Variants in SMAD2 observed in about 807,000 individuals in gnomAD.
The protein encoded by SMAD2 is MAD homolog 2.
In SMAD2, 8 loss-of-function variants were observed where a neutral mutation model predicts 64.4. The ratio of observed to expected loss-of-function variants is 0.12; its 90% CI spans 0.07 to 0.22. The LOEUF (loss-of-function observed/expected upper bound fraction) is 0.22, where lower values mean the gene tolerates loss of function less well. Ranked by LOEUF, SMAD2 falls within the 10% of genes least tolerant of loss-of-function variation. The pLI, the probability that SMAD2 is intolerant of heterozygous loss-of-function variation, is 1.00. For synonymous variants in SMAD2, 203 were observed against 195.8 expected (o/e 1.04, Z -0.31); for missense variants, 289 against 561.2 (o/e 0.51, Z 4.90).
At chr18:47,904,805 C>G (rs2033838743) in intron 1 of SMAD2, among the ~76,000 whole-genome samples, 1 of 152,184 alleles carries the variant, frequency 6.6e-6, no homozygotes, top group African/African-American at 2.4e-5. Flanking sequence ...AAAAAGGTAT[C>G]TGAAAATGTT....
chr18:47,820,519 TGAAG>T lies in SMAD2; in HGVS notation c.*21304_*21307del, dbSNP rs1374539137. 20 of 152,054 alleles carry T rather than the reference TGAAG, an allele frequency of 1.3e-4. No homozygotes were observed. The highest frequency in any genetic ancestry group is 2.9e-5 in the Non-Finnish European group (2 of 68,008). The allele number at this position is 152,054 out of a possible 1,614,324, so 9.4% of individuals were successfully genotyped here. The stretch of plus-strand genomic sequence containing the variant: ...ACTAAGTAGGAGGAGGAGAGAAATA[TGAAG>T]GAAGTTAATGGGTGTGAGAATGTAC... On this transcript the variant is annotated 3_prime_UTR_variant, in exon 11 of 11. Transcript: ENST00000262160.
At chr18:47,900,455 C>A (rs373694563) in intron 1 of SMAD2, among the ~76,000 whole-genome samples, 2 of 152,124 alleles carry the variant, frequency 1.3e-5, no homozygotes, top group African/African-American at 4.8e-5. Context: ...AGTGATGTGA[C>A]ATTTTTCAAT....
intron 7 of SMAD2, among the ~76,000 whole-genome samples, chr18:47,849,802 G>A (rs1914919066): frequency 6.6e-6 from 1 of 151,998 alleles, no homozygotes; most frequent in South Asian, 2.1e-4. Flanking sequence ...GAGGCCAGGA[G>A]TTTGAGACCA....
chr18:47,881,270 T>C (rs917528453), intron 2 of SMAD2, among the ~76,000 whole-genome samples: 1 of 152,238 alleles, frequency 6.6e-6, no homozygotes, highest in African/African-American at 2.4e-5. Context: ...TTCATTTGTT[T>C]AACTTCTCTC....
chr18:47,898,894 T>TC, intron 1 of SMAD2, among the ~76,000 whole-genome samples: 1 of 151,846 alleles, frequency 6.6e-6, no homozygotes, highest in Non-Finnish European at 1.5e-5. Context: ...ACAATTTTTT[T>TC]TTTTTGCCTG....
intron 6 of SMAD2, among the ~76,000 whole-genome samples, chr18:47,863,479 G>A (rs182931771): frequency 6.6e-6 from 1 of 152,184 alleles, no homozygotes; most frequent in Non-Finnish European, 1.5e-5. Context: ...ACGAATACTT[G>A]TATTATTGCT....
intron 6 of SMAD2, among the ~76,000 whole-genome samples, chr18:47,861,971 A>G (rs1417087606): frequency 6.6e-6 from 1 of 152,206 alleles, no homozygotes; most frequent in Non-Finnish European, 1.5e-5. Flanking sequence ...AGCATATGTA[A>G]GAGGAACATT....
intron 1 of SMAD2, among the ~76,000 whole-genome samples, chr18:47,910,231 T>G (rs112541402): frequency 0.017 from 2,541 of 149,234 alleles, 66 homozygotes; most frequent in African/African-American, 0.058. Flanking sequence ...TTTAGAGAAA[T>G]TCAAGGGCTA....
intron 2 of SMAD2, chr18:47,878,437 T>C (rs2032391832): frequency 1.3e-5 from 2 of 152,158 alleles, no homozygotes; most frequent in African/African-American, 4.8e-5. Flanking sequence ...GCAAACAGCC[T>C]GTGCAACAAA....
chr18:47,870,025 G>A (rs985889331), intron 3 of SMAD2, among the ~76,000 whole-genome samples: 1 of 151,844 alleles, frequency 6.6e-6, no homozygotes, highest in Non-Finnish European at 1.5e-5. Context: ...AGAAAATGAA[G>A]TGATTAAAAA....
At position 47,865,132 on chromosome 18, in the gene SMAD2, T is replaced by A; in HGVS notation, c.657A>T (p.Glu219Asp). Residue 219 changes from glutamate (E) to aspartate (D), a missense_variant and splice_region_variant, in exon 6 of 11, where the codon GAA becomes GAT. Around this residue, in one of 6 missense-constraint regions of SMAD2, gnomAD observed 119 missense variants for 156.7 expected, o/e 0.76. Coordinates refer to ENST00000262160, the MANE Select transcript of SMAD2 (RefSeq NM_005901.6). Reference protein sequence around the residue: ...GIEPQSNYIPETPPPGYISED... With the variant: ...GIEPQSNYIPDTPPPGYISED... Reference sequence around the variant, plus strand: ...CACTGATATATCCAGGAGGTGGCGTTTCTACAAAAGTTTAAAACAAATCAA... The same window carrying A: ...CACTGATATATCCAGGAGGTGGCGTATCTACAAAAGTTTAAAACAAATCAA... 6.2e-7 allele frequency: 1 copy of A among 1,601,424 alleles called. No homozygotes were observed. Among genetic ancestry groups the A allele is most frequent in the Non-Finnish European group, 8.6e-7 (1 of 1,168,826 alleles).
chr18:47,890,373 C>A (rs2033132891), intron 2 of SMAD2, among the ~76,000 whole-genome samples: 1 of 152,214 alleles, frequency 6.6e-6, no homozygotes, highest in Admixed American at 6.5e-5. Flanking sequence ...AATTATACAT[C>A]ATGCAATGTT....
chr18:47,854,773 G>A (rs2030514214), intron 6 of SMAD2, among the ~76,000 whole-genome samples: 1 of 151,902 alleles, frequency 6.6e-6, no homozygotes, highest in Non-Finnish European at 1.5e-5. Context: ...GCTCCCATAT[G>A]ACCCCTGCCC....
At chr18:47,857,678 A>G (rs1183637159) in intron 6 of SMAD2, among the ~76,000 whole-genome samples, 1 of 152,242 alleles carries the variant, frequency 6.6e-6, no homozygotes, top group African/African-American at 2.4e-5. Flanking sequence ...TTCACTACTG[A>G]CAGCATCTGC....
At chr18:47,925,623 C>T (rs1439139623) in intron 1 of SMAD2, among the ~76,000 whole-genome samples, 1 of 152,112 alleles carries the variant, frequency 6.6e-6, no homozygotes, top group Non-Finnish European at 1.5e-5. Flanking sequence ...CACAATTACA[C>T]CAACCTGAAA....
intron 6 of SMAD2, among the ~76,000 whole-genome samples, chr18:47,854,756 A>G (rs1006596060): frequency 6.6e-6 from 1 of 152,140 alleles, no homozygotes; most frequent in African/African-American, 2.4e-5. Flanking sequence ...AACAGAAAGT[A>G]CAAAAAGCTC....
At position 47,823,672 on chromosome 18, in the gene SMAD2, A is replaced by G. The variant is rs1912649441; in HGVS notation, c.*18155T>C. On this transcript the variant is annotated 3_prime_UTR_variant, in exon 11 of 11. Transcript: ENST00000262160. ...TGCAAACCAGGACAAAAAGTTGATGATTTCAGGCTGTAGACATTTTTCCTA... is the reference window on the plus strand; with the variant it reads ...TGCAAACCAGGACAAAAAGTTGATGGTTTCAGGCTGTAGACATTTTTCCTA... The G allele has an allele frequency of 6.6e-6, 1 of 152,224 alleles. No individual in the cohort carries two copies. The highest frequency in any genetic ancestry group is 6.5e-5 in the Admixed American group (1 of 15,286). The allele number at this position is 152,224 out of a possible 1,614,324, so 9.4% of individuals were successfully genotyped here. A position where few individuals can be genotyped will look rare whatever the true frequency, so the allele number is the denominator to read the frequency against.
chr18:47,896,796 C>T lies in SMAD2; in HGVS notation c.-40G>A. 2 of 1,599,986 alleles carry T rather than the reference C, an allele frequency of 1.3e-6. No homozygotes were observed. The highest frequency in any genetic ancestry group is 8.5e-7 in the Non-Finnish European group (1 of 1,173,154). On this transcript the variant is annotated 5_prime_UTR_variant, in exon 2 of 11. Transcript: ENST00000262160. ...CAGCAAGCCACGCTAGGAAAACAGC[C>T]TCTTGTATCGAACCTAGCAGAAATA...
rs1485539769 is a variant in SMAD2 at position 47,835,342 on chromosome 18, C to A, written c.*6485G>T. ...ATTATTTCTCACAATTTTAATTAAT[C>A]TGTGTGTATATTAGTTATATAAAGC... On this transcript the variant is annotated 3_prime_UTR_variant, in exon 11 of 11. Coordinates refer to ENST00000262160, the MANE Select transcript of SMAD2 (RefSeq NM_005901.6). 3 of 203,850 alleles carry A rather than the reference C, an allele frequency of 1.5e-5. No homozygotes were observed. The highest frequency in any genetic ancestry group is 3.0e-5 in the Non-Finnish European group (3 of 99,354). 12.6% of individuals were successfully genotyped at this position (203,850 alleles called of 1,614,324 possible). A position where few individuals can be genotyped will look rare whatever the true frequency, so the allele number is the denominator to read the frequency against.
Sources: gnomAD v4.1 joint callset for allele counts (sites outside exome capture counted in the v4.1 genomes callset) on GRCh38, gnomAD v4.1.1 for gene constraint, gnomAD v4.1.1 regional missense constraint, MANE v1.5 for transcripts, NCBI Gene and HGNC (gene_info 2026-07-23, HGNC 2026-07-21) for gene names.